Variants in PARD3B observed in about 807,000 individuals in gnomAD.
The protein encoded by PARD3B is partitioning defective 3 homolog B.
A neutral mutation model predicts 130.2 loss-of-function variants in PARD3B; 103 were observed. The observed-to-expected ratio is 0.79, with a 90% CI of 0.67 to 0.93. PARD3B has a LOEUF of 0.93. Among genes scored for constraint, PARD3B ranks in the 40% least tolerant of loss-of-function variants. The pLI is 0.00. For synonymous variants in PARD3B, 583 were observed against 553.2 expected (o/e 1.05, Z -0.76); for missense variants, 1,609 against 1,499.2 (o/e 1.07, Z -1.21).
intron 15 of PARD3B, among the ~76,000 whole-genome samples, chr2:205,195,553 C>T (rs1042836396): frequency 2.0e-5 from 3 of 152,104 alleles, no homozygotes; most frequent in East Asian, 3.8e-4. Context: ...TAGGTGATAC[C>T]GCAATGGTAA....
At position 205,263,576 on chromosome 2, in the gene PARD3B, A is replaced by T. The variant is rs1360807422; in HGVS notation, c.2185+17754A>T. On this transcript the variant is annotated intron_variant, in intron 16 of 22. Coordinates refer to ENST00000406610, the MANE Select transcript of PARD3B (RefSeq NM_001302769.2). The surrounding 1 kb of genome is among the most constrained non-coding windows in gnomAD (Gnocchi z 4.0). ...TTACACCATATAAGAAGCTAATCTG[A>T]CATGGTTCACAGATCTTAAATGTGA... is the stretch of plus-strand genomic sequence containing the variant. 6.6e-6 allele frequency among the ~76,000 whole-genome samples: 1 copy of T among 151,206 alleles called. No homozygotes were observed. Among genetic ancestry groups the T allele is most frequent in the African/African-American group, 2.4e-5 (1 of 41,126 alleles).
chr2:204,742,557 T>C lies in PARD3B; in HGVS notation c.222+56275T>C, dbSNP rs1315654704. ...GAGAATAGAGCAAAAGCTGTTGCTC[T>C]GTCTATATGGTTTTAACCAGGGTTG... On this transcript the variant is annotated intron_variant, in intron 2 of 22. Coordinates refer to ENST00000406610, the MANE Select transcript of PARD3B (RefSeq NM_001302769.2). 4.4e-4 allele frequency among the ~76,000 whole-genome samples: 67 copies of C among 152,222 alleles called. 1 individual carries two copies. Among genetic ancestry groups the C allele is most frequent in the Admixed American group, 4.4e-3 (67 of 15,274 alleles).
intron 3 of PARD3B, among the ~76,000 whole-genome samples, chr2:204,995,395 G>A (rs1694082472): frequency 6.8e-6 from 1 of 146,868 alleles, no homozygotes; most frequent in Non-Finnish European, 1.5e-5. Flanking sequence ...CTTTAAGAAT[G>A]TTGAATATTG....
chr2:205,054,436 A>ATATATATTT (rs1411271901), intron 4 of PARD3B, among the ~76,000 whole-genome samples: 1 of 28,440 alleles, frequency 3.5e-5, no homozygotes, highest in African/African-American at 1.5e-4. Flanking sequence ...ATATATATAT[A>ATATATATTT]TTTTTTTTTT....
At chr2:204,996,517 G>C (rs1694194681) in intron 3 of PARD3B, among the ~76,000 whole-genome samples, 1 of 151,900 alleles carries the variant, frequency 6.6e-6, no homozygotes, top group African/African-American at 2.4e-5. Context: ...GTCTGCAGAG[G>C]TTACTGCTGT....
At chr2:205,048,994 G>C (rs938893164) in intron 4 of PARD3B, among the ~76,000 whole-genome samples, 13 of 152,192 alleles carry the variant, frequency 8.5e-5, no homozygotes, top group Non-Finnish European at 1.9e-4. Flanking sequence ...ACCATGTTGA[G>C]TCTAATTATG....
intron 18 of PARD3B, among the ~76,000 whole-genome samples, chr2:205,367,720 G>A (rs989308471): frequency 1.3e-5 from 2 of 152,172 alleles, no homozygotes; most frequent in African/African-American, 4.8e-5. Flanking sequence ...GTGTAAGTGG[G>A]CTTGTTCCAA....
intron 2 of PARD3B, among the ~76,000 whole-genome samples, chr2:204,905,585 A>AG (rs1382544061): frequency 1.3e-5 from 2 of 152,220 alleles, no homozygotes; most frequent in Admixed American, 1.3e-4. Flanking sequence ...ACTTAAAAAA[A>AG]TGATGAGTTT....
chr2:205,497,977 G>A (rs2049999974), intron 20 of PARD3B, among the ~76,000 whole-genome samples: 1 of 150,526 alleles, frequency 6.6e-6, no homozygotes, highest in East Asian at 2.0e-4. Flanking sequence ...AGGAGTACTA[G>A]ACCAGCCTGG....
intron 22 of PARD3B, among the ~76,000 whole-genome samples, chr2:205,595,608 G>A (rs1055218067): frequency 6.6e-6 from 1 of 152,052 alleles, no homozygotes; most frequent in Non-Finnish European, 1.5e-5. Context: ...ATTTCACATT[G>A]GTATATAAAC....
rs1377428928 is a variant in PARD3B, at chr2:204,883,455, A to ATATTTT, written c.223-81696_223-81695insATTTTT. ...ATAAAATATATATATATATATATAT[A>ATATTTT]TTTTTTTTTTTGAGACAGAGTCTCA... is the stretch of plus-strand genomic sequence containing the variant. On this transcript the variant is annotated intron_variant, in intron 2 of 22. Coordinates refer to ENST00000406610, the MANE Select transcript of PARD3B (RefSeq NM_001302769.2). Among the ~76,000 whole-genome samples, 19 of 77,264 alleles carry ATATTTT rather than the reference A, an allele frequency of 2.5e-4. 1 individual carries two copies. The highest frequency in any genetic ancestry group is 1.1e-3 in the Admixed American group (6 of 5,594). 50.7% of individuals were successfully genotyped at this position (77,264 alleles called of 152,430 possible).
chr2:205,047,654 A>G lies in PARD3B; in HGVS notation c.468A>G (p.Ser156=). ...GPPADTQPSA[S]HPGGQSLKLV... Reference sequence around the variant, plus strand: ...CTGCTGATACCCAGCCAAGCGCTTCACACCCTGGTGGCCAGAGTCTGAAAC... The same window carrying G: ...CTGCTGATACCCAGCCAAGCGCTTCGCACCCTGGTGGCCAGAGTCTGAAAC... Residue 156 remains serine, a synonymous_variant, in exon 4 of 23, where the codon TCA becomes TCG. Transcript: ENST00000406610. The G allele has an allele frequency of 6.4e-7, 1 of 1,550,840 alleles. No individual in the cohort carries two copies. Among genetic ancestry groups the G allele is most frequent in the South Asian group, 1.2e-5 (1 of 84,038 alleles).
intron 1 of PARD3B, among the ~76,000 whole-genome samples, chr2:204,650,567 AT>A (rs1368248642): frequency 1.3e-5 from 2 of 152,228 alleles, no homozygotes; most frequent in East Asian, 3.9e-4. Context: ...TTATGCAGCC[AT>A]AAAAAGAAAT....
At chr2:205,020,038 C>G (rs761296290) in intron 3 of PARD3B, among the ~76,000 whole-genome samples, 7 of 152,150 alleles carry the variant, frequency 4.6e-5, no homozygotes, top group Non-Finnish European at 8.8e-5. Context: ...GCTTTCTAAT[C>G]TGAGTGGATT....
chr2:205,056,193 C>T (rs1415599184), intron 4 of PARD3B, among the ~76,000 whole-genome samples: 2 of 151,448 alleles, frequency 1.3e-5, no homozygotes, highest in African/African-American at 4.9e-5. Flanking sequence ...ATAGAACTCT[C>T]TTACGATAGG....
intron 22 of PARD3B, among the ~76,000 whole-genome samples, chr2:205,601,186 A>T (rs77647021): frequency 0.14 from 21,983 of 152,122 alleles, 1,714 homozygotes; most frequent in Non-Finnish European, 0.18. Context: ...CTTTTTAATA[A>T]TCACCATTCT....
intron 21 of PARD3B, among the ~76,000 whole-genome samples, chr2:205,513,002 T>TC (rs1249097456): frequency 2.0e-5 from 3 of 151,214 alleles, no homozygotes; most frequent in Admixed American, 2.0e-4. Flanking sequence ...TTTTTTTTTT[T>TC]AGTATGAACC....
chr2:204,764,715 C>CGTGTGTGTGTGTGT (rs10522212), intron 2 of PARD3B, among the ~76,000 whole-genome samples: 21,922 of 145,528 alleles, frequency 0.15, 1,848 homozygotes, highest in Admixed American at 0.18. Flanking sequence ...GGCATGCATG[C>CGTGTGTGTGTGTGT]GTGTGTGTGT....
At chr2:205,080,259 T>TCC (rs1427757918) in intron 4 of PARD3B, among the ~76,000 whole-genome samples, 1 of 152,156 alleles carries the variant, frequency 6.6e-6, no homozygotes, top group Non-Finnish European at 1.5e-5. Context: ...TACTCTTGTT[T>TCC]ACCTGCTATT....
Sources: allele counts gnomAD v4.1 joint callset (sites outside exome capture counted in the v4.1 genomes callset), GRCh38; gene constraint gnomAD v4.1.1; non-coding constraint Gnocchi (gnomAD v3.1); transcripts MANE v1.5; gene names NCBI Gene and HGNC (gene_info 2026-07-23, HGNC 2026-07-21).